The following TOP1 variants were observed in gnomAD, a reference collection of about 807,000 sequenced individuals.
TOP1 encodes DNA topoisomerase I, also known as DNA topoisomerase 1.
A neutral mutation model predicts 111.1 loss-of-function variants in TOP1; 10 were observed. The ratio of observed to expected loss-of-function variants is 0.09; its 90% CI spans 0.06 to 0.15. The LOEUF (loss-of-function observed/expected upper bound fraction) is 0.15. TOP1 is among the 10% of genes least tolerant of loss of function. TOP1 has a pLI of 1.00. For synonymous variants in TOP1, 271 were observed against 302.9 expected (o/e 0.89, Z 1.10); for missense variants, 474 against 926.7 (o/e 0.51, Z 6.34).
intron 2 of TOP1, among the ~76,000 whole-genome samples, chr20:41,041,758 G>A (rs2033268155): frequency 6.6e-6 from 1 of 152,108 alleles, no homozygotes; most frequent in Non-Finnish European, 1.5e-5. Flanking sequence ...TCTGACTAAT[G>A]CAGGTGACCC....
In TOP1 at chr20:41,097,616, G is replaced by A. The variant is rs1485738652; in HGVS notation, c.852+275G>A. On this transcript the variant is annotated intron_variant, in intron 10 of 20. Coordinates refer to ENST00000361337, the MANE Select transcript of TOP1 (RefSeq NM_003286.4). The surrounding 1 kb of genome is among the most constrained non-coding windows in gnomAD (Gnocchi z 4.2). The stretch of plus-strand genomic sequence containing the variant: ...CAAACAGAAAACCTCAACTCCAGTT[G>A]CGCACAGGAAAGTTTGTCGCTGCAG... Among the ~76,000 whole-genome samples, 1 of 152,182 alleles carries A rather than the reference G, an allele frequency of 6.6e-6. No homozygotes were observed. Among genetic ancestry groups the A allele is most frequent in the Non-Finnish European group, 1.5e-5 (1 of 68,028 alleles).
chr20:41,041,801 A>G (rs566509094), intron 2 of TOP1, among the ~76,000 whole-genome samples: 1 of 152,254 alleles, frequency 6.6e-6, no homozygotes, highest in South Asian at 2.1e-4. Flanking sequence ...ATCTATCTGA[A>G]CTTTACTATC....
chr20:41,029,726 C>A lies in TOP1; in HGVS notation c.58+271C>A. The stretch of plus-strand genomic sequence containing the variant: ...CGGGCGGTCTTTCCGGGCCGGGATT[C>A]CTCCCGGGAAAGTCGCCTTGTCGAC... On this transcript the variant is annotated intron_variant, in intron 2 of 20. Transcript: ENST00000361337. This position sits in a 1 kb window ranked among gnomAD's most constrained non-coding sequence, Gnocchi z 6.1. 1 of 543,006 alleles carries A rather than the reference C, an allele frequency of 1.8e-6. No individual in the cohort carries two copies. The highest frequency in any genetic ancestry group is 3.3e-6 in the Non-Finnish European group (1 of 300,154). The allele number at this position is 543,006 out of a possible 1,614,324, so 33.6% of individuals were successfully genotyped here. A position where few individuals can be genotyped will look rare whatever the true frequency, so the allele number is the denominator to read the frequency against.
At chr20:41,099,693 T>C (rs2034032426) in intron 11 of TOP1, among the ~76,000 whole-genome samples, 1 of 152,210 alleles carries the variant, frequency 6.6e-6, no homozygotes, top group South Asian at 2.1e-4. Context: ...TGAGCTATTC[T>C]TTTATGAGGC....
intron 2 of TOP1, among the ~76,000 whole-genome samples, chr20:41,054,925 T>G (rs796572085): frequency 2.1e-4 from 32 of 152,302 alleles, no homozygotes; most frequent in African/African-American, 6.3e-4. Flanking sequence ...ACACTTTCCT[T>G]TTGTCTGTCG....
At chr20:41,091,780 G>T (rs960244305) in intron 8 of TOP1, among the ~76,000 whole-genome samples, 1 of 151,900 alleles carries the variant, frequency 6.6e-6, no homozygotes, top group Admixed American at 6.6e-5. Context: ...TCCTGACCTG[G>T]ATCACGACCT....
rs765610966 is a variant in TOP1, at chr20:41,115,140, C to A, written c.1639-231C>A. Among the ~76,000 whole-genome samples the A allele has an allele frequency of 5.5e-4, 83 of 151,476 alleles. No homozygotes were observed. Among genetic ancestry groups the A allele is most frequent in the Middle Eastern group, 6.8e-3 (2 of 292 alleles). On this transcript the variant is annotated intron_variant, in intron 15 of 20. Coordinates refer to ENST00000361337, the MANE Select transcript of TOP1 (RefSeq NM_003286.4). This position sits in a 1 kb window ranked among gnomAD's most constrained non-coding sequence, Gnocchi z 6.3. ...TATAAGTAAGTGCTTATAAATGGCT[C>A]AGAACAAACAATTATGTATATATAT...
At chr20:41,054,530 T>C (rs983129850) in intron 2 of TOP1, among the ~76,000 whole-genome samples, 1 of 152,200 alleles carries the variant, frequency 6.6e-6, no homozygotes, top group African/African-American at 2.4e-5. Context: ...ATTATTATCT[T>C]TTGTGAACTG....
In TOP1 at chr20:41,092,777, C is replaced by G. The variant is rs1292845140; in HGVS notation, c.730+190C>G. Among the ~76,000 whole-genome samples, 1 of 152,056 alleles carries G rather than the reference C, an allele frequency of 6.6e-6. No homozygotes were observed. The highest frequency in any genetic ancestry group is 2.4e-5 in the African/African-American group (1 of 41,386). ...AGGCTCATTTGCTGCTGAAAAAGTG[C>G]CATGGAAAAGGGGCTATTCATGTCT... On this transcript the variant is annotated intron_variant, in intron 9 of 20. Coordinates refer to ENST00000361337, the MANE Select transcript of TOP1 (RefSeq NM_003286.4). This position sits in a 1 kb window ranked among gnomAD's most constrained non-coding sequence, Gnocchi z 4.3.
At chr20:41,035,115 C>T (rs1301416678) in intron 2 of TOP1, among the ~76,000 whole-genome samples, 1 of 152,090 alleles carries the variant, frequency 6.6e-6, no homozygotes, top group Non-Finnish European at 1.5e-5. Flanking sequence ...TGGTCTTGAA[C>T]CCCTGGGCTC....
intron 4 of TOP1, 114 bp from the exon 5 acceptor site, chr20:41,077,468 A>G: frequency 1.2e-6 from 1 of 839,600 alleles, no homozygotes; most frequent in Middle Eastern, 2.3e-4. Context: ...TTGGTAACAT[A>G]AGAGCCAGCT....
rs975945441 is a variant in TOP1, at chr20:41,058,831, G to A, written c.59-2563G>A. On this transcript the variant is annotated intron_variant, in intron 2 of 20. Coordinates refer to ENST00000361337, the MANE Select transcript of TOP1 (RefSeq NM_003286.4). This position sits in a 1 kb window ranked among gnomAD's most constrained non-coding sequence, Gnocchi z 4.2. Reference sequence around the variant, plus strand: ...TATAATTATATGACCGCTCGAAAACGCCAAGACAATTTAATGGGGAAAGGG... The same window carrying A: ...TATAATTATATGACCGCTCGAAAACACCAAGACAATTTAATGGGGAAAGGG... Among the ~76,000 whole-genome samples the A allele has an allele frequency of 3.3e-5, 5 of 152,062 alleles. No homozygotes were observed. The highest frequency in any genetic ancestry group is 2.1e-4 in the South Asian group (1 of 4,802).
chr20:41,075,718 A>G lies in TOP1; in HGVS notation c.156-453A>G, dbSNP rs1294286576. Among the ~76,000 whole-genome samples the G allele has an allele frequency of 4.6e-5, 7 of 152,346 alleles. No individual in the cohort carries two copies. In the East Asian group the frequency reaches 1.4e-3, roughly 29 times the overall value. ...CTTGCCTAGTTAAAACTAGAAGGAA[A>G]TATCCACTGTATTGGGCTGTTTACT... is the stretch of plus-strand genomic sequence containing the variant. On this transcript the variant is annotated intron_variant, in intron 3 of 20. Transcript: ENST00000361337.
chr20:41,053,193 C>T (rs1313884359), intron 2 of TOP1, among the ~76,000 whole-genome samples: 2 of 152,162 alleles, frequency 1.3e-5, no homozygotes, highest in Admixed American at 6.5e-5. Flanking sequence ...TGTTGCAACT[C>T]ATTTCTTGCT....
In TOP1 at chr20:41,038,147, C is replaced by T. The variant is rs188989724; in HGVS notation, c.58+8692C>T. ...TTTCGTTTTCCTCTGATACAGAATG[C>T]GAATAGTCTCCCGGCCTCCAACCCC... On this transcript the variant is annotated intron_variant, in intron 2 of 20. Transcript: ENST00000361337. Among the ~76,000 whole-genome samples, 24 of 152,274 alleles carry T rather than the reference C, an allele frequency of 1.6e-4. 2 individuals carry two copies. In the East Asian group the frequency reaches 3.9e-3, roughly 24 times the overall value.
In TOP1 at chr20:41,098,078, T is replaced by C; in HGVS notation, c.853-137T>C. 1 of 804,424 alleles carries C rather than the reference T, an allele frequency of 1.2e-6. No individual in the cohort carries two copies. The highest frequency in any genetic ancestry group is 1.7e-5 in the South Asian group (1 of 59,516). The allele number at this position is 804,424 out of a possible 1,614,324, so 49.8% of individuals were successfully genotyped here. ...ACTGTATTTTTTTGTTTTTTCAAAA[T>C]TCATTAATTGAGATTGGCTACTTCC... On this transcript the variant is annotated intron_variant, in intron 10 of 20. Coordinates refer to ENST00000361337, the MANE Select transcript of TOP1 (RefSeq NM_003286.4). This position sits in a 1 kb window ranked among gnomAD's most constrained non-coding sequence, Gnocchi z 5.7.
In TOP1 at chr20:41,064,820, C is replaced by T. The variant is rs566963493; in HGVS notation, c.155+3330C>T. 2.0e-5 allele frequency among the ~76,000 whole-genome samples: 3 copies of T among 152,018 alleles called. No homozygotes were observed. In the East Asian group the frequency reaches 5.8e-4, roughly 29 times the overall value. On this transcript the variant is annotated intron_variant, in intron 3 of 20. Coordinates refer to ENST00000361337, the MANE Select transcript of TOP1 (RefSeq NM_003286.4). The stretch of plus-strand genomic sequence containing the variant: ...TTGTGTCTTTACTTTTCCCTATGGC[C>T]TCCTGGACTCTAAAGTCCCTGAAAG...
chr20:41,028,857 G>A lies in TOP1; in HGVS notation c.-211G>A, dbSNP rs1203839209. ...CTTAGGCTGTTACACAACTGCTGGG[G>A]TCTGTTCTCGCCGCCCGCCCGGCAG... On this transcript the variant is annotated 5_prime_UTR_variant, in exon 1 of 21. Coordinates refer to ENST00000361337, the MANE Select transcript of TOP1 (RefSeq NM_003286.4). 2 of 554,534 alleles carry A rather than the reference G, an allele frequency of 3.6e-6. No homozygotes were observed. The highest frequency in any genetic ancestry group is 4.0e-5 in the African/African-American group (2 of 49,806). 34.4% of individuals were successfully genotyped at this position (554,534 alleles called of 1,614,324 possible).
At position 41,116,406 on chromosome 20, in the gene TOP1, G is replaced by A. The variant is rs1246811555; in HGVS notation, c.1822+14G>A. The A allele has an allele frequency of 1.9e-6, 3 of 1,591,080 alleles. No individual in the cohort carries two copies. Among genetic ancestry groups the A allele is most frequent in the South Asian group, 2.2e-5 (2 of 90,592 alleles). ...AACTGACAGCCCGTAAGTATTGCTT[G>A]GCCAGATAGGGCCCACACCCCTACT... On this transcript the variant is annotated intron_variant, in intron 17 of 20. Coordinates refer to ENST00000361337, the MANE Select transcript of TOP1 (RefSeq NM_003286.4). This position sits in a 1 kb window ranked among gnomAD's most constrained non-coding sequence, Gnocchi z 5.6.
Sources: gnomAD v4.1 joint callset for allele counts (sites outside exome capture counted in the v4.1 genomes callset) on GRCh38, gnomAD v4.1.1 for gene constraint, Gnocchi (gnomAD v3.1) non-coding constraint, MANE v1.5 for transcripts, NCBI Gene and HGNC (gene_info 2026-07-23, HGNC 2026-07-21) for gene names.